ZRANB3: variants seen among roughly 807,000 people sequenced by gnomAD.
ZRANB3 encodes DNA annealing helicase and endonuclease ZRANB3.
ZRANB3 carries 125 observed loss-of-function variants against 133.8 expected under a neutral mutation model. The ratio of observed to expected loss-of-function variants is 0.93; its 90% CI spans 0.81 to 1.08. The LOEUF is 1.08. ZRANB3 is among the 50% of genes least tolerant of loss of function. ZRANB3 has a pLI of 0.00. For missense variants in ZRANB3, 1,229 were observed against 1,275.5 expected (o/e 0.96, Z 0.56); for synonymous variants, 387 against 432.7 (o/e 0.89, Z 1.31).
rs1335528375 is a variant in ZRANB3, at chr2:135,200,757, T to G, written c.3142-317A>C. Reference sequence around the variant, plus strand: ...ATTCTCCCATCCAAGTGGGAGGTTTTTTTTTTTTTTTTTTTTGAGATGGAG... The same window carrying G: ...ATTCTCCCATCCAAGTGGGAGGTTTGTTTTTTTTTTTTTTTTGAGATGGAG... On this transcript the variant is annotated intron_variant, in intron 20 of 20. Coordinates refer to ENST00000264159, the MANE Select transcript of ZRANB3 (RefSeq NM_032143.4). Among the ~76,000 whole-genome samples, 4 of 138,462 alleles carry G rather than the reference T, an allele frequency of 2.9e-5. No homozygotes were observed. The East Asian group carries it at 7.7e-4, about 27-fold the overall frequency. The allele number at this position is 138,462 out of a possible 152,430, so 90.8% of individuals were successfully genotyped here.
intron 8 of ZRANB3, among the ~76,000 whole-genome samples, chr2:135,297,016 C>T (rs1405645543): frequency 1.3e-5 from 2 of 152,236 alleles, no homozygotes; most frequent in African/African-American, 4.8e-5. Flanking sequence ...TTAGGCTACT[C>T]GGGGGTCAGG....
chr2:135,511,818 A>T lies in ZRANB3; in HGVS notation c.-7-7322T>A. ...GCTTTCTATTTGAATCCAATCCCCCATGGACATAAGAAGAGTTCCTTCCAT... is the reference window on the plus strand; with the variant it reads ...GCTTTCTATTTGAATCCAATCCCCCTTGGACATAAGAAGAGTTCCTTCCAT... On this transcript the variant is annotated intron_variant, in intron 1 of 20. Transcript: ENST00000264159. 6.6e-6 allele frequency: 5 copies of T among 760,774 alleles called. No individual in the cohort carries two copies. In the South Asian group the frequency reaches 6.7e-5, roughly 10 times the overall value. The allele number at this position is 760,774 out of a possible 1,614,324, so 47.1% of individuals were successfully genotyped here. A position where few individuals can be genotyped will look rare whatever the true frequency, so the allele number is the denominator to read the frequency against.
rs200218454 is a variant in ZRANB3 at position 135,221,445 on chromosome 2, T to C, written c.2251-2267A>G. On this transcript the variant is annotated intron_variant, in intron 15 of 20. Transcript: ENST00000264159. ...GTTTGGTTTGGCAGCAGGTGCATTA[T>C]ACCCTCTACCAGGAGCTTGCAGTTC... Among the ~76,000 whole-genome samples the C allele has an allele frequency of 7.2e-5, 11 of 152,298 alleles. No homozygotes were observed. The East Asian group carries it at 1.5e-3, about 21-fold the overall frequency.
chr2:135,236,212 C>T (rs1212342668), intron 12 of ZRANB3, among the ~76,000 whole-genome samples: 1 of 152,118 alleles, frequency 6.6e-6, no homozygotes, highest in Non-Finnish European at 1.5e-5. Flanking sequence ...AATAAAATAC[C>T]TAGGAATCCA....
At chr2:135,399,236 G>T (rs1366658361) in intron 2 of ZRANB3, among the ~76,000 whole-genome samples, 1 of 152,144 alleles carries the variant, frequency 6.6e-6, no homozygotes, top group African/African-American at 2.4e-5. Flanking sequence ...AGCAACCTCT[G>T]GACCTGCTTT....
At chr2:135,424,550 T>C (rs893473732) in intron 2 of ZRANB3, among the ~76,000 whole-genome samples, 2 of 152,126 alleles carry the variant, frequency 1.3e-5, no homozygotes, top group African/African-American at 4.8e-5. Flanking sequence ...CTGGCCGATA[T>C]GGTGAAACCC....
At position 135,339,656 on chromosome 2, in the gene ZRANB3, C is replaced by T. The variant is rs77516254; in HGVS notation, c.677+5894G>A. 4.8e-3 allele frequency among the ~76,000 whole-genome samples: 734 copies of T among 152,266 alleles called. 8 individuals are homozygous for T. The highest frequency in any genetic ancestry group is 0.017 in the African/African-American group (691 of 41,556). On this transcript the variant is annotated intron_variant, in intron 6 of 20. Coordinates refer to ENST00000264159, the MANE Select transcript of ZRANB3 (RefSeq NM_032143.4). ...GTAAGACAGTTTGTTTCTTCATATG[C>T]TCATGATATACTGTTTTGTTAAATG...
chr2:135,347,608 C>A (rs1157824149), intron 5 of ZRANB3, among the ~76,000 whole-genome samples: 1 of 152,124 alleles, frequency 6.6e-6, no homozygotes, highest in Non-Finnish European at 1.5e-5. Flanking sequence ...GGGTATATAC[C>A]TAAGAATAAA....
chr2:135,484,459 A>G (rs1691999170), intron 2 of ZRANB3, among the ~76,000 whole-genome samples: 1 of 152,176 alleles, frequency 6.6e-6, no homozygotes, highest in African/African-American at 2.4e-5. Context: ...ATTATTTTTA[A>G]CCATGTATAT....
At chr2:135,324,134 G>A (rs1309344466) in intron 6 of ZRANB3, among the ~76,000 whole-genome samples, 1 of 151,758 alleles carries the variant, frequency 6.6e-6, no homozygotes, top group Non-Finnish European at 1.5e-5. Flanking sequence ...ACAACGTGGA[G>A]GTTTGTTACA....
chr2:135,266,634 G>A (rs1415014321), intron 11 of ZRANB3, among the ~76,000 whole-genome samples: 2 of 151,524 alleles, frequency 1.3e-5, no homozygotes, highest in Non-Finnish European at 2.9e-5. Context: ...GCGTGGTGGC[G>A]GGCGCCTGTA....
chr2:135,228,729 G>A (rs2105065450), intron 13 of ZRANB3, among the ~76,000 whole-genome samples: 1 of 152,176 alleles, frequency 6.6e-6, no homozygotes, highest in South Asian at 2.1e-4. Flanking sequence ...TAAAGAACAG[G>A]GAGGAGAAGA....
chr2:135,345,122 T>C (rs1407279190), intron 6 of ZRANB3: 1 of 152,270 alleles, frequency 6.6e-6, no homozygotes, highest in Admixed American at 6.5e-5. Context: ...AAGGAAAACT[T>C]TGCCATTATC....
intron 3 of ZRANB3, among the ~76,000 whole-genome samples, chr2:135,364,025 G>C (rs1466792089): frequency 6.6e-6 from 1 of 151,780 alleles, no homozygotes; most frequent in African/African-American, 2.4e-5. Flanking sequence ...CAGCCTGAGT[G>C]AAACAGCAAG....
At chr2:135,408,652 G>C (rs1162635654) in intron 2 of ZRANB3, among the ~76,000 whole-genome samples, 4 of 152,082 alleles carry the variant, frequency 2.6e-5, no homozygotes, top group Non-Finnish European at 4.4e-5. Context: ...GCCATAAAAA[G>C]TGATGAGTTC....
chr2:135,503,114 G>A (rs768002158), intron 2 of ZRANB3, among the ~76,000 whole-genome samples: 2 of 151,998 alleles, frequency 1.3e-5, no homozygotes, highest in Non-Finnish European at 2.9e-5. Context: ...GATGGGTTTG[G>A]GTTATAAGAG....
At position 135,275,665 on chromosome 2, in the gene ZRANB3, C is replaced by T. The variant is rs780214016; in HGVS notation, c.1057G>A (p.Ala353Thr). 3 of 1,605,378 alleles carry T rather than the reference C, an allele frequency of 1.9e-6. No individual in the cohort carries two copies. Among genetic ancestry groups the T allele is most frequent in the Non-Finnish European group, 2.6e-6 (3 of 1,175,772 alleles). The change falls in exon 9 of 21, where the codon GCT becomes ACT. Residue 353 changes from alanine (A) to threonine (T), a missense_variant. By Grantham distance (58) the Ala-to-Thr change is moderately conservative (BLOSUM62 0). Coordinates refer to ENST00000264159, the MANE Select transcript of ZRANB3 (RefSeq NM_032143.4). ...VFAHHLSMLQ[A>T]CTEAVIENKT... ...TTTTCGATGACTGCTTCTGTGCAAG[C>T]TTGGAGCATGCTTAAATGGTGAGCA...
In ZRANB3 at chr2:135,484,496, T is replaced by C. The variant is rs75568522; in HGVS notation, c.161+19833A>G. ...CACAATATACATATCCAGAAATAAA[T>C]ACATGACATAAATATGAATTAATAA... On this transcript the variant is annotated intron_variant, in intron 2 of 20. Coordinates refer to ENST00000264159, the MANE Select transcript of ZRANB3 (RefSeq NM_032143.4). 6.3e-4 allele frequency among the ~76,000 whole-genome samples: 96 copies of C among 152,042 alleles called. 1 individual carries two copies. The East Asian group carries it at 0.018, about 28-fold the overall frequency.
rs192564790 is a variant in ZRANB3, at chr2:135,403,848, G to C, written c.162-13028C>G. 3.9e-5 allele frequency among the ~76,000 whole-genome samples: 6 copies of C among 152,346 alleles called. No homozygotes were observed. The East Asian group carries it at 1.2e-3, about 29-fold the overall frequency. On this transcript the variant is annotated intron_variant, in intron 2 of 20. Coordinates refer to ENST00000264159, the MANE Select transcript of ZRANB3 (RefSeq NM_032143.4). ...CTGATGCCCAGGCAAACAGGGCCTG[G>C]AGTGGACCTCCAGCAAACTCCAACA... is the stretch of plus-strand genomic sequence containing the variant.
Sources: allele counts gnomAD v4.1 joint callset (sites outside exome capture counted in the v4.1 genomes callset), GRCh38; gene constraint gnomAD v4.1.1; transcripts MANE v1.5; gene names NCBI Gene and HGNC (gene_info 2026-07-23, HGNC 2026-07-21).